Variants in PKNOX2 observed in about 807,000 individuals in gnomAD.
The protein encoded by PKNOX2 is homeobox protein PKNOX2.
In PKNOX2, 14 loss-of-function variants were observed where a neutral mutation model predicts 53.1. The ratio of observed to expected loss-of-function variants is 0.26; its 90% CI spans 0.17 to 0.41. The LOEUF is 0.41. PKNOX2 is among the 10% of genes least tolerant of loss of function. The probability of loss-of-function intolerance (pLI) is 1.00; values close to 1 mark genes in which losing one functional copy is unlikely to be tolerated. For synonymous variants in PKNOX2, 257 were observed against 242.8 expected (o/e 1.06, Z -0.54); for missense variants, 496 against 602.8 (o/e 0.82, Z 1.85).
At chr11:125,342,128 GCA>G (rs1156733150) in intron 3 of PKNOX2, among the ~76,000 whole-genome samples, 1 of 151,992 alleles carries the variant, frequency 6.6e-6, no homozygotes, top group Non-Finnish European at 1.5e-5. Flanking sequence ...TAAATTGAAT[GCA>G]CAGAGCCACT....
chr11:125,419,848 T>C (rs1281884499), intron 10 of PKNOX2, among the ~76,000 whole-genome samples: 1 of 136,468 alleles, frequency 7.3e-6, no homozygotes, highest in Admixed American at 7.8e-5. Flanking sequence ...CTGAGCAACA[T>C]AGCGAGACCT....
In PKNOX2 at chr11:125,279,683, T is replaced by G. The variant is rs190389604; in HGVS notation, c.-130+44568T>G. Reference sequence around the variant, plus strand: ...CCCGACTCCTAGGCCAACAGCCAGGTACCCAGTCTATGGTGGTATCTGGGG... The same window carrying G: ...CCCGACTCCTAGGCCAACAGCCAGGGACCCAGTCTATGGTGGTATCTGGGG... On this transcript the variant is annotated intron_variant, in intron 2 of 12. Coordinates refer to ENST00000298282, the MANE Select transcript of PKNOX2 (RefSeq NM_001382323.2). Among the ~76,000 whole-genome samples, 387 of 152,326 alleles carry G rather than the reference T, an allele frequency of 2.5e-3. 1 individual carries two copies. Among genetic ancestry groups the G allele is most frequent in the Non-Finnish European group, 3.9e-3 (262 of 68,028 alleles).
chr11:125,278,788 G>A (rs577137106), intron 2 of PKNOX2, among the ~76,000 whole-genome samples: 1 of 152,202 alleles, frequency 6.6e-6, no homozygotes, highest in Admixed American at 6.5e-5. Context: ...GATATCCCTC[G>A]CCAGCTCTTA....
chr11:125,375,410 G>T (rs575480895), intron 5 of PKNOX2, among the ~76,000 whole-genome samples: 2 of 152,300 alleles, frequency 1.3e-5, no homozygotes, highest in East Asian at 3.9e-4. Context: ...AGAAAAGGGG[G>T]AAGGCAGATG....
chr11:125,328,964 C>T (rs762339136), intron 2 of PKNOX2, among the ~76,000 whole-genome samples: 15 of 152,182 alleles, frequency 9.9e-5, no homozygotes, highest in South Asian at 2.1e-4. Flanking sequence ...TTCCTTAAGA[C>T]GAACACACCT....
Position 125,196,060 on chromosome 11 carries a change from G to T in PKNOX2, c.-201+31284G>T, listed in dbSNP as rs1205409461. On this transcript the variant is annotated intron_variant, in intron 1 of 12. Transcript: ENST00000298282. ...AGCTGGGGAACCAGCATTCTGCATG[G>T]CTTGGCTCTGTCTTTAGGCATTGGG... Among the ~76,000 whole-genome samples the T allele has an allele frequency of 2.6e-5, 4 of 152,234 alleles. No individual in the cohort carries two copies. The East Asian group carries it at 7.7e-4, about 29-fold the overall frequency.
At chr11:125,243,263 T>C (rs563196340) in intron 2 of PKNOX2, among the ~76,000 whole-genome samples, 16 of 152,344 alleles carry the variant, frequency 1.1e-4, no homozygotes, top group African/African-American at 3.8e-4. Flanking sequence ...TGGTTCTAGA[T>C]TCAGCCAACA....
At chr11:125,359,189 G>A (rs1414111423) in intron 4 of PKNOX2, among the ~76,000 whole-genome samples, 2 of 152,170 alleles carry the variant, frequency 1.3e-5, no homozygotes, top group Non-Finnish European at 2.9e-5. Flanking sequence ...GTAGGTGTGA[G>A]GCGATAGGGT....
chr11:125,336,759 TATA>T (rs1950452101), intron 3 of PKNOX2, among the ~76,000 whole-genome samples: 2 of 147,164 alleles, frequency 1.4e-5, no homozygotes, highest in South Asian at 4.2e-4. Context: ...ATATATAATA[TATA>T]ATACTATACA....
rs370954721 is a variant in PKNOX2 at position 125,178,101 on chromosome 11, G to A, written c.-201+13325G>A. Among the ~76,000 whole-genome samples the A allele has an allele frequency of 2.0e-5, 3 of 152,154 alleles. No homozygotes were observed. In the East Asian group the frequency reaches 5.8e-4, roughly 29 times the overall value. On this transcript the variant is annotated intron_variant, in intron 1 of 12. Coordinates refer to ENST00000298282, the MANE Select transcript of PKNOX2 (RefSeq NM_001382323.2). ...AACATCTCAGAACTAGAAAGGACAC[G>A]TGAAACCATCCCTCCATCCATCCAT...
At chr11:125,305,009 C>G (rs74512681) in intron 2 of PKNOX2, among the ~76,000 whole-genome samples, 9,591 of 152,232 alleles carry the variant, frequency 0.063, 523 homozygotes, top group East Asian at 0.2. Flanking sequence ...AAAAGAGTAT[C>G]TAAAAAGCAT....
At position 125,352,866 on chromosome 11, in the gene PKNOX2, C is replaced by T. The variant is rs1057009309; in HGVS notation, c.87+1474C>T. ...GGTTGAACTTGGCCTTTACATGGCT[C>T]TTGTATTTGAAAGCTTCCAGGCATC... On this transcript the variant is annotated intron_variant, in intron 4 of 12. Transcript: ENST00000298282. The surrounding 1 kb of genome is among the most constrained non-coding windows in gnomAD (Gnocchi z 4.1). Among the ~76,000 whole-genome samples, 1 of 152,184 alleles carries T rather than the reference C, an allele frequency of 6.6e-6. No homozygotes were observed. The highest frequency in any genetic ancestry group is 2.4e-5 in the African/African-American group (1 of 41,432).
At chr11:125,250,599 CAG>C (rs557518570) in intron 2 of PKNOX2, among the ~76,000 whole-genome samples, 156 of 152,310 alleles carry the variant, frequency 1.0e-3, no homozygotes, top group African/African-American at 3.6e-3. Context: ...CTGGGGAAAA[CAG>C]AGAGAGGTCA....
intron 5 of PKNOX2, among the ~76,000 whole-genome samples, chr11:125,380,892 T>G (rs1591549643): frequency 6.6e-6 from 1 of 151,224 alleles, no homozygotes. Flanking sequence ...CTTTAGGGGG[T>G]GATGTTGGAG....
At chr11:125,410,727 C>A in intron 8 of PKNOX2, 52 bp from the exon 9 acceptor site, 1 of 1,400,326 alleles carries the variant, frequency 7.1e-7, no homozygotes, top group South Asian at 1.2e-5. Flanking sequence ...TGCTTGCCCT[C>A]GCTCCTACCC....
intron 10 of PKNOX2, among the ~76,000 whole-genome samples, chr11:125,412,395 T>C (rs971376215): frequency 2.0e-5 from 3 of 152,242 alleles, no homozygotes; most frequent in Non-Finnish European, 2.9e-5. Flanking sequence ...GACACAGCAC[T>C]ATTTCTTTCA....
At chr11:125,215,983 T>C (rs1221409669) in intron 1 of PKNOX2, among the ~76,000 whole-genome samples, 2 of 152,206 alleles carry the variant, frequency 1.3e-5, no homozygotes, top group Non-Finnish European at 2.9e-5. Context: ...GGCCTTGCAG[T>C]CCATGCTTGC....
At chr11:125,252,448 A>G (rs1317329098) in intron 2 of PKNOX2, among the ~76,000 whole-genome samples, 1 of 152,210 alleles carries the variant, frequency 6.6e-6, no homozygotes, top group Non-Finnish European at 1.5e-5. Context: ...AAACAAGGCA[A>G]GGAGACCTTG....
intron 10 of PKNOX2, among the ~76,000 whole-genome samples, chr11:125,424,530 C>T (rs1956317164): frequency 1.3e-5 from 2 of 152,048 alleles, no homozygotes; most frequent in African/African-American, 4.8e-5. Context: ...AGCCCATGGC[C>T]CCACAGCTGT....
Sources: allele counts gnomAD v4.1 joint callset (sites outside exome capture counted in the v4.1 genomes callset), GRCh38; gene constraint gnomAD v4.1.1; non-coding constraint Gnocchi (gnomAD v3.1); transcripts MANE v1.5; gene names NCBI Gene and HGNC (gene_info 2026-07-23, HGNC 2026-07-21).